The following EYS variants were observed in gnomAD, a reference collection of about 807,000 sequenced individuals.
The protein encoded by EYS is EGF-like photoreceptor maintenance factor, also known as protein eyes shut homolog.
In EYS, 250 loss-of-function variants were observed where a neutral mutation model predicts 282.1. That is an observed-to-expected ratio of 0.89 (90% CI 0.80 to 0.98). The LOEUF (loss-of-function observed/expected upper bound fraction) is 0.98. Ranked by LOEUF, EYS falls within the 50% of genes least tolerant of loss-of-function variation. The probability of loss-of-function intolerance (pLI) is 0.00; values close to 1 mark genes in which losing one functional copy is unlikely to be tolerated. For missense variants in EYS, 4,016 were observed against 3,709.0 expected (o/e 1.08, Z -2.15); for synonymous variants, 1,355 against 1,282.9 (o/e 1.06, Z -1.20).
At chr6:65,380,221 C>G (rs1765558749) in intron 8 of EYS, among the ~76,000 whole-genome samples, 1 of 152,084 alleles carries the variant, frequency 6.6e-6, no homozygotes, top group South Asian at 2.1e-4. Context: ...TCAAACTATA[C>G]TGCAAGGCTA....
intron 24 of EYS, among the ~76,000 whole-genome samples, chr6:64,597,871 T>C (rs1182174105): frequency 6.6e-6 from 1 of 152,314 alleles, no homozygotes; most frequent in East Asian, 1.9e-4. Context: ...ATACAAATTT[T>C]TTAAAAGCTA....
chr6:64,720,316 C>A (rs1771535511), intron 22 of EYS, among the ~76,000 whole-genome samples: 1 of 152,162 alleles, frequency 6.6e-6, no homozygotes, highest in South Asian at 2.1e-4. Flanking sequence ...TTATGAGGGT[C>A]CTTATGATTA....
intron 26 of EYS, among the ~76,000 whole-genome samples, chr6:64,580,456 A>C (rs532177448): frequency 6.6e-6 from 1 of 152,272 alleles, no homozygotes; most frequent in Admixed American, 6.5e-5. Context: ...TGGGCAATAA[A>C]GGGCATTCAT....
intron 19 of EYS, among the ~76,000 whole-genome samples, chr6:64,847,223 C>CCT (rs2150039046): frequency 6.6e-6 from 1 of 151,794 alleles, no homozygotes; most frequent in East Asian, 1.9e-4. Flanking sequence ...ACAAAATTCC[C>CCT]CTCTCTCTCT....
At chr6:64,345,850 T>A (rs1366001460) in intron 29 of EYS, among the ~76,000 whole-genome samples, 2 of 151,512 alleles carry the variant, frequency 1.3e-5, no homozygotes, top group South Asian at 2.1e-4. Flanking sequence ...CAAACAAATT[T>A]ACAAGAAAAA....
intron 12 of EYS, among the ~76,000 whole-genome samples, chr6:65,133,331 C>CA (rs531315625): frequency 5.4e-4 from 82 of 151,692 alleles, no homozygotes; most frequent in Non-Finnish European, 8.9e-4. Context: ...CAAACAACAA[C>CA]AAAAAAACAA....
intron 13 of EYS, among the ~76,000 whole-genome samples, chr6:65,029,258 G>A (rs1030417620): frequency 6.6e-6 from 1 of 152,146 alleles, no homozygotes; most frequent in African/African-American, 2.4e-5. Flanking sequence ...TAGGTGATCA[G>A]AGTGTTCTCT....
chr6:64,220,147 A>G (rs1469023672), intron 31 of EYS, among the ~76,000 whole-genome samples: 1 of 152,154 alleles, frequency 6.6e-6, no homozygotes, highest in East Asian at 1.9e-4. Context: ...AAACCTGCAC[A>G]TTGTGCACAT....
chr6:65,504,746 T>C (rs958703318), intron 2 of EYS, among the ~76,000 whole-genome samples: 1 of 151,628 alleles, frequency 6.6e-6, no homozygotes, highest in Non-Finnish European at 1.5e-5. Flanking sequence ...AATAAATTAC[T>C]GTTTATTTAT....
chr6:64,829,413 A>G (rs1765151554), intron 19 of EYS, among the ~76,000 whole-genome samples: 1 of 151,960 alleles, frequency 6.6e-6, no homozygotes, highest in African/African-American at 2.4e-5. Flanking sequence ...CCAGGAACAG[A>G]GACCATAGCC....
At chr6:65,275,960 C>A (rs1768034623) in intron 12 of EYS, among the ~76,000 whole-genome samples, 2 of 152,022 alleles carry the variant, frequency 1.3e-5, no homozygotes, top group Non-Finnish European at 2.9e-5. Context: ...CATGGTATTC[C>A]ACATAACACT....
intron 29 of EYS, among the ~76,000 whole-genome samples, chr6:64,317,562 C>A (rs1007660893): frequency 6.6e-6 from 1 of 151,894 alleles, no homozygotes; most frequent in South Asian, 2.1e-4. Context: ...AAAATAGAAA[C>A]GCTTTTACAC....
chr6:64,808,774 A>T (rs1764511064), intron 22 of EYS, among the ~76,000 whole-genome samples: 1 of 152,126 alleles, frequency 6.6e-6, no homozygotes, highest in African/African-American at 2.4e-5. Context: ...TTTTTAAATG[A>T]ATACTAGCTA....
chr6:65,274,774 G>C (rs1339675421), intron 12 of EYS, among the ~76,000 whole-genome samples: 2 of 151,928 alleles, frequency 1.3e-5, no homozygotes, highest in African/African-American at 2.4e-5. Context: ...CATATCAGAG[G>C]GTATAAATCC....
chr6:64,503,958 C>T (rs1425023095), intron 26 of EYS, among the ~76,000 whole-genome samples: 3 of 152,140 alleles, frequency 2.0e-5, no homozygotes, highest in South Asian at 2.1e-4. Flanking sequence ...TGCTCCACCA[C>T]GGTAAGATGT....
At chr6:64,087,438 T>A (rs564206469) in intron 31 of EYS, among the ~76,000 whole-genome samples, 8 of 152,224 alleles carry the variant, frequency 5.3e-5, no homozygotes, top group African/African-American at 1.9e-4. Flanking sequence ...TTTCTTGACA[T>A]TTGTTGTCAC....
intron 22 of EYS, among the ~76,000 whole-genome samples, chr6:64,809,753 T>A (rs1485536199): frequency 6.6e-6 from 1 of 151,676 alleles, no homozygotes; most frequent in Non-Finnish European, 1.5e-5. Flanking sequence ...GTTCTCCATA[T>A]AAGTGGGAGC....
intron 2 of EYS, among the ~76,000 whole-genome samples, chr6:65,520,696 T>C (rs1184926800): frequency 6.6e-6 from 1 of 151,952 alleles, no homozygotes; most frequent in Non-Finnish European, 1.5e-5. Context: ...ATATCAGGAA[T>C]AGACTAGAAT....
chr6:64,971,589 G>C (rs1006359546), intron 14 of EYS, among the ~76,000 whole-genome samples: 1 of 152,166 alleles, frequency 6.6e-6, no homozygotes, highest in Non-Finnish European at 1.5e-5. Flanking sequence ...TACTTAGCAA[G>C]TAAGGGACTA....
Sources: gnomAD v4.1 joint callset for allele counts (sites outside exome capture counted in the v4.1 genomes callset) on GRCh38, gnomAD v4.1.1 for gene constraint, MANE v1.5 for transcripts, NCBI Gene and HGNC (gene_info 2026-07-23, HGNC 2026-07-21) for gene names.